Variants in MALRD1 observed in about 807,000 individuals in gnomAD.
The protein encoded by MALRD1 is MAM and LDL-receptor class A domain-containing protein 1.
Under a neutral mutation model 242.1 loss-of-function variants are expected in MALRD1, and 247 were observed. That is an observed-to-expected ratio of 1.02 (90% CI 0.92 to 1.13). The LOEUF is 1.13. Ranked by LOEUF, MALRD1 falls within the 50% of genes most tolerant of loss-of-function variation. MALRD1 has a pLI of 0.00. For missense variants in MALRD1, 2,989 were observed against 2,533.1 expected, an observed-to-expected ratio of 1.18 and a Z score of -3.86; for synonymous variants, 995 against 866.6, an observed-to-expected ratio of 1.15 and a Z score of -2.60.
At chr10:19,623,161 AT>A (rs1331591120) in intron 36 of MALRD1, among the ~76,000 whole-genome samples, 2 of 152,060 alleles carry the variant, frequency 1.3e-5, no homozygotes, top group African/African-American at 2.4e-5. Flanking sequence ...ATAAAAATTT[AT>A]TTTTAACAAC....
chr10:19,185,870 T>C (rs185460326), intron 14 of MALRD1, among the ~76,000 whole-genome samples: 127 of 151,860 alleles, frequency 8.4e-4, no homozygotes, highest in Middle Eastern at 6.8e-3. Context: ...GACTACTTTT[T>C]TCAGTGTATT....
At position 19,113,830 on chromosome 10, in the gene MALRD1, C is replaced by CACACAG. The variant is rs1422267454; in HGVS notation, c.695-9661_695-9660insCACAGA. Among the ~76,000 whole-genome samples, 15 of 144,690 alleles carry CACACAG rather than the reference C, an allele frequency of 1.0e-4. No individual in the cohort carries two copies. In the East Asian group the frequency reaches 2.8e-3, roughly 27 times the overall value. 94.9% of individuals were successfully genotyped at this position (144,690 alleles called of 152,430 possible). A position where few individuals can be genotyped will look rare whatever the true frequency, so the allele number is the denominator to read the frequency against. ...ACACACACACACACACACACACACA[C>CACACAG]AGACACACACACACAGACACATGTG... On this transcript the variant is annotated intron_variant, in intron 5 of 39. Coordinates refer to ENST00000454679, the MANE Select transcript of MALRD1 (RefSeq NM_001142308.3).
chr10:19,217,645 G>A (rs905601536), intron 18 of MALRD1, among the ~76,000 whole-genome samples: 1 of 147,902 alleles, frequency 6.8e-6, no homozygotes, highest in Admixed American at 7.0e-5. Context: ...TGATTCTCTT[G>A]CCTCAGCCTC....
intron 32 of MALRD1, among the ~76,000 whole-genome samples, chr10:19,541,975 T>C (rs1834992827): frequency 6.6e-6 from 1 of 152,162 alleles, no homozygotes. Flanking sequence ...AATGAAAAGG[T>C]CGACACTCAA....
intron 33 of MALRD1, among the ~76,000 whole-genome samples, chr10:19,585,779 C>G (rs1313105925): frequency 6.6e-6 from 1 of 152,140 alleles, no homozygotes. Flanking sequence ...GCCTGCCTTG[C>G]TAGATTGGGG....
At chr10:19,159,498 G>A (rs969368322) in intron 12 of MALRD1, among the ~76,000 whole-genome samples, 5 of 152,072 alleles carry the variant, frequency 3.3e-5, no homozygotes, top group Non-Finnish European at 5.9e-5. Context: ...TGAGGGTTTG[G>A]AGTAAAATCG....
intron 19 of MALRD1, 124 bp from the exon 20 acceptor site, chr10:19,279,923 T>A: frequency 4.5e-6 from 3 of 665,240 alleles, no homozygotes; most frequent in Non-Finnish European, 2.2e-6. Flanking sequence ...GAGTAGCTGA[T>A]ACTACCCACT....
At chr10:19,338,559 CCT>C (rs1433933105) in intron 24 of MALRD1, among the ~76,000 whole-genome samples, 3 of 148,192 alleles carry the variant, frequency 2.0e-5, no homozygotes, top group Non-Finnish European at 4.4e-5. Flanking sequence ...CCACCAGGTC[CCT>C]CCCTGACATG....
chr10:19,681,132 T>C (rs1270251336), intron 36 of MALRD1, among the ~76,000 whole-genome samples: 1 of 152,184 alleles, frequency 6.6e-6, no homozygotes, highest in African/African-American at 2.4e-5. Flanking sequence ...GGGGTTGGTC[T>C]TCTTCTGGAG....
At chr10:19,580,855 C>T (rs1005148933) in intron 33 of MALRD1, among the ~76,000 whole-genome samples, 6 of 152,094 alleles carry the variant, frequency 3.9e-5, no homozygotes, top group African/African-American at 1.4e-4. Context: ...GCCAAACAAG[C>T]CTTCCTGATT....
intron 12 of MALRD1, among the ~76,000 whole-genome samples, chr10:19,156,727 A>T (rs1362728987): frequency 6.6e-6 from 1 of 152,162 alleles, no homozygotes; most frequent in East Asian, 1.9e-4. Flanking sequence ...TTTAAAAGGT[A>T]ATCTACCTTT....
chr10:19,169,099 C>T (rs192897673), intron 13 of MALRD1, among the ~76,000 whole-genome samples: 3 of 152,214 alleles, frequency 2.0e-5, no homozygotes, highest in East Asian at 3.9e-4. Flanking sequence ...AGGCAAAACC[C>T]AAGCTGCCCT....
intron 26 of MALRD1, among the ~76,000 whole-genome samples, chr10:19,356,037 T>C (rs550547155): frequency 3.5e-4 from 53 of 150,966 alleles, no homozygotes; most frequent in Admixed American, 3.5e-3. Context: ...ATGTGTAAAT[T>C]GTTGAATTGG....
At position 19,657,554 on chromosome 10, in the gene MALRD1, T is replaced by C. The variant is rs1841217371; in HGVS notation, c.6138-34728T>C. 2.6e-5 allele frequency among the ~76,000 whole-genome samples: 4 copies of C among 152,134 alleles called. No homozygotes were observed. In the South Asian group the frequency reaches 8.3e-4, roughly 32 times the overall value. ...GATTTTTTTTCTTAACATTTTTTTT[T>C]AGTTTTAATTTTTGTTGTTAAATAT... On this transcript the variant is annotated intron_variant, in intron 36 of 39. Transcript: ENST00000454679.
chr10:19,223,675 C>A (rs146812399), intron 18 of MALRD1, among the ~76,000 whole-genome samples: 2,164 of 152,216 alleles, frequency 0.014, 43 homozygotes, highest in African/African-American at 0.05. Context: ...TTAAGTATTT[C>A]TCCTAATGCT....
At chr10:19,343,556 A>G (rs905129147) in intron 24 of MALRD1, among the ~76,000 whole-genome samples, 1 of 152,094 alleles carries the variant, frequency 6.6e-6, no homozygotes, top group Non-Finnish European at 1.5e-5. Flanking sequence ...TCTTTGCTTT[A>G]TCATGTTGAG....
intron 32 of MALRD1, among the ~76,000 whole-genome samples, chr10:19,541,584 C>T (rs888584037): frequency 2.0e-4 from 31 of 152,188 alleles, no homozygotes; most frequent in East Asian, 3.9e-4. Flanking sequence ...TCAAGTTTCT[C>T]CTTCTATGGT....
chr10:19,157,668 A>T (rs1172584862), intron 12 of MALRD1, among the ~76,000 whole-genome samples: 3 of 152,216 alleles, frequency 2.0e-5, no homozygotes, highest in Non-Finnish European at 4.4e-5. Flanking sequence ...GCTTTCATGG[A>T]ACCAATGTTC....
At chr10:19,250,244 AAC>A (rs1839240434) in intron 18 of MALRD1, among the ~76,000 whole-genome samples, 1 of 152,004 alleles carries the variant, frequency 6.6e-6, no homozygotes, top group South Asian at 2.1e-4. Flanking sequence ...AAATAATAAA[AAC>A]ACAATTTACT....
Sources: gnomAD v4.1 joint callset for allele counts (sites outside exome capture counted in the v4.1 genomes callset) on GRCh38, gnomAD v4.1.1 for gene constraint, MANE v1.5 for transcripts, NCBI Gene and HGNC (gene_info 2026-07-23, HGNC 2026-07-21) for gene names.